Variants in CCR2 observed in about 807,000 individuals in gnomAD.
CCR2 encodes the protein C-C motif chemokine receptor 2, also known as C-C chemokine receptor type 2.
For missense variants in CCR2, 408 were observed against 440.0 expected (o/e 0.93, Z 0.65); for synonymous variants, 183 against 177.1 (o/e 1.03, Z -0.27).
Position 46,357,906 on chromosome 3 carries a change from G to T in CCR2, c.379G>T (p.Gly127Ter), listed in dbSNP as rs756172205. Reference sequence around the variant, plus strand: ...GCTGTATCACATCGGTTATTTTGGCGGAATCTTCTTCATCATCCTCCTGAC... The same window carrying T: ...GCTGTATCACATCGGTTATTTTGGCTGAATCTTCTTCATCATCCTCCTGAC... ...TGLYHIGYFG[G>*]IFFIILLTID... The change falls in exon 2 of 2, where the codon GGA becomes TGA. Residue 127 changes from glycine to a stop codon, truncating the protein, a stop_gained. Coordinates refer to ENST00000445132, the MANE Select transcript of CCR2 (RefSeq NM_001123396.4). LOFTEE classifies it low-confidence loss of function (END_TRUNC). The T allele has an allele frequency of 6.2e-7, 1 of 1,614,100 alleles. No homozygotes were observed. The highest frequency in any genetic ancestry group is 8.5e-7 in the Non-Finnish European group (1 of 1,179,998).
rs1701500205 is a variant in CCR2 at position 46,358,738 on chromosome 3, A to G, written c.*128A>G. The G allele has an allele frequency of 5.5e-6, 8 of 1,453,096 alleles. No homozygotes were observed. The highest frequency in any genetic ancestry group is 7.3e-6 in the Non-Finnish European group (8 of 1,102,280). 90.0% of individuals were successfully genotyped at this position (1,453,096 alleles called of 1,614,324 possible). A position where few individuals can be genotyped will look rare whatever the true frequency, so the allele number is the denominator to read the frequency against. On this transcript the variant is annotated 3_prime_UTR_variant, in exon 2 of 2. Coordinates refer to ENST00000445132, the MANE Select transcript of CCR2 (RefSeq NM_001123396.4). ...GCCCAGGAACCTCAGGGCTGTGTGT[A>G]CTAATACAGACTATGTCACCCAATG...
Position 46,360,404 on chromosome 3 carries a change from T to C in CCR2, c.*1794T>C, listed in dbSNP as rs2106727149. 1 of 153,392 alleles carries C rather than the reference T, an allele frequency of 6.5e-6. No homozygotes were observed. The highest frequency in any genetic ancestry group is 2.0e-4 in the South Asian group (1 of 4,910). The allele number at this position is 153,392 out of a possible 1,614,324, so 9.5% of individuals were successfully genotyped here. Reference sequence around the variant, plus strand: ...CTCAGGCTTGCTGCCAAAAGCCTTTTGTGTTTTGTTTTGTATCATTATGAA... The same window carrying C: ...CTCAGGCTTGCTGCCAAAAGCCTTTCGTGTTTTGTTTTGTATCATTATGAA... On this transcript the variant is annotated 3_prime_UTR_variant, in exon 2 of 2. Coordinates refer to ENST00000445132, the MANE Select transcript of CCR2 (RefSeq NM_001123396.4).
Position 46,358,613 on chromosome 3 carries a change from C to G in CCR2, c.*3C>G. ...AGGAAGTCTCGGCTGGTTTATAAAA[C>G]GAGGAGCAGTTTGATTGTTGTTTAT... is the stretch of plus-strand genomic sequence containing the variant. On this transcript the variant is annotated 3_prime_UTR_variant, in exon 2 of 2. Coordinates refer to ENST00000445132, the MANE Select transcript of CCR2 (RefSeq NM_001123396.4). 1 of 1,562,802 alleles carries G rather than the reference C, an allele frequency of 6.4e-7. No homozygotes were observed. The highest frequency in any genetic ancestry group is 2.4e-5 in the East Asian group (1 of 42,376).
In CCR2 at chr3:46,359,391, A is replaced by G. The variant is rs1701510839; in HGVS notation, c.*781A>G. ...GTTTATAAAAGATGCATTATCTATG[A>G]TATGCTAATATATGTATATGCAATA... On this transcript the variant is annotated 3_prime_UTR_variant, in exon 2 of 2. Coordinates refer to ENST00000445132, the MANE Select transcript of CCR2 (RefSeq NM_001123396.4). 2 of 1,056,492 alleles carry G rather than the reference A, an allele frequency of 1.9e-6. No individual in the cohort carries two copies. Among genetic ancestry groups the G allele is most frequent in the Non-Finnish European group, 2.3e-6 (2 of 860,644 alleles). The allele number at this position is 1,056,492 out of a possible 1,614,324, so 65.4% of individuals were successfully genotyped here.
Position 46,357,804 on chromosome 3 carries a change from A to T in CCR2, c.277A>T (p.Ile93Phe). Residue 93 changes from isoleucine to phenylalanine, a missense_variant, in exon 2 of 2, where the codon ATT (isoleucine) becomes TTT (phenylalanine). Ile to Phe is a conservative substitution (Grantham distance 21). Transcript: ENST00000445132. ...GGCCATCTCTGATCTGCTTTTTCTT[A>T]TTACTCTCCCATTGTGGGCTCACTC... is the stretch of plus-strand genomic sequence containing the variant. Reference protein sequence around the residue: ...NLAISDLLFLITLPLWAHSAA... With the variant: ...NLAISDLLFLFTLPLWAHSAA... 6.2e-7 allele frequency: 1 copy of T among 1,614,074 alleles called. No homozygotes were observed. The highest frequency in any genetic ancestry group is 1.3e-5 in the African/African-American group (1 of 74,996).
chr3:46,357,884 G>C lies in CCR2; in HGVS notation c.357G>C (p.Leu119=). Residue 119 remains leucine, a synonymous_variant, in exon 2 of 2, where the codon CTG becomes CTC. Transcript: ENST00000445132. ...GNAMCKLFTG[L]YHIGYFGGIF... ...CAATGTGCAAATTATTCACAGGGCTGTATCACATCGGTTATTTTGGCGGAA... is the reference window on the plus strand; with the variant it reads ...CAATGTGCAAATTATTCACAGGGCTCTATCACATCGGTTATTTTGGCGGAA... 1 of 1,614,198 alleles carries C rather than the reference G, an allele frequency of 6.2e-7. No homozygotes were observed. The highest frequency in any genetic ancestry group is 1.1e-5 in the South Asian group (1 of 91,086).
Position 46,358,105 on chromosome 3 carries a change from A to G in CCR2, c.578A>G (p.Tyr193Cys). The change falls in exon 2 of 2, where the codon TAT becomes TGT. Residue 193 changes from tyrosine (Y) to cysteine (C), a missense_variant. Coordinates refer to ENST00000445132, the MANE Select transcript of CCR2 (RefSeq NM_001123396.4). Reference protein sequence around the residue: ...KEDSVYVCGPYFPRGWNNFHT... With the variant: ...KEDSVYVCGPCFPRGWNNFHT... ...GATTCTGTTTATGTCTGTGGCCCTT[A>G]TTTTCCACGAGGATGGAATAATTTC... The G allele has an allele frequency of 1.2e-6, 2 of 1,614,014 alleles. No individual in the cohort carries two copies. Among genetic ancestry groups the G allele is most frequent in the Non-Finnish European group, 1.7e-6 (2 of 1,179,990 alleles).
In CCR2 at chr3:46,358,224, C is replaced by T. The variant is rs1454368903; in HGVS notation, c.697C>T (p.Arg233Ter). 4 of 1,613,980 alleles carry T rather than the reference C, an allele frequency of 2.5e-6. No individual in the cohort carries two copies. The highest frequency in any genetic ancestry group is 1.6e-4 in the Middle Eastern group (1 of 6,084). Residue 233 changes from arginine (R) to a stop codon, truncating the protein, a stop_gained, in exon 2 of 2, where the codon CGA becomes TGA. Transcript: ENST00000445132. LOFTEE classifies it low-confidence loss of function (END_TRUNC). ...SGILKTLLRCRNEKKRHRAVR... is the reference protein window; with the variant it reads ...SGILKTLLRC ...AATCCTGAAAACCCTGCTTCGGTGT[C>T]GAAACGAGAAGAAGAGGCATAGGGC... is the stretch of plus-strand genomic sequence containing the variant.
chr3:46,355,898 C>T (rs1251714537), intron 1 of CCR2, among the ~76,000 whole-genome samples: 1 of 152,212 alleles, frequency 6.6e-6, no homozygotes, highest in Non-Finnish European at 1.5e-5. Flanking sequence ...GGATTCAAAT[C>T]CAGGTTTGTT....
Position 46,359,130 on chromosome 3 carries a change from G to A in CCR2, c.*520G>A. The stretch of plus-strand genomic sequence containing the variant: ...TGGTCCTTAGCCCCATCTGCCACGT[G>A]TATTTAACCTTGAAGGGTTCACCAG... On this transcript the variant is annotated 3_prime_UTR_variant, in exon 2 of 2. Coordinates refer to ENST00000445132, the MANE Select transcript of CCR2 (RefSeq NM_001123396.4). The A allele has an allele frequency of 2.0e-6, 2 of 1,007,206 alleles. No individual in the cohort carries two copies. Among genetic ancestry groups the A allele is most frequent in the Non-Finnish European group, 1.2e-6 (1 of 834,276 alleles). 62.4% of individuals were successfully genotyped at this position (1,007,206 alleles called of 1,614,324 possible).
In CCR2 at chr3:46,358,679, G is replaced by C. The variant is rs1174186483; in HGVS notation, c.*69G>C. On this transcript the variant is annotated 3_prime_UTR_variant, in exon 2 of 2. Coordinates refer to ENST00000445132, the MANE Select transcript of CCR2 (RefSeq NM_001123396.4). Reference sequence around the variant, plus strand: ...TCTGTATATAACAACAAACTTCAAGGGTTTGTTGAACAATAGAAACCTGTA... The same window carrying C: ...TCTGTATATAACAACAAACTTCAAGCGTTTGTTGAACAATAGAAACCTGTA... 2.0e-6 allele frequency: 3 copies of C among 1,496,054 alleles called. No homozygotes were observed. In the Admixed American group the frequency reaches 6.8e-5, roughly 34 times the overall value. The allele number at this position is 1,496,054 out of a possible 1,614,324, so 92.7% of individuals were successfully genotyped here. A position where few individuals can be genotyped will look rare whatever the true frequency, so the allele number is the denominator to read the frequency against.
In CCR2 at chr3:46,359,043, G is replaced by A. The variant is rs866340620; in HGVS notation, c.*433G>A. Reference sequence around the variant, plus strand: ...GGAGAAGGAGGGAGACATGAGCATGGCTGAGCCTGGACAAAGACAAAGGTG... The same window carrying A: ...GGAGAAGGAGGGAGACATGAGCATGACTGAGCCTGGACAAAGACAAAGGTG... On this transcript the variant is annotated 3_prime_UTR_variant, in exon 2 of 2. Coordinates refer to ENST00000445132, the MANE Select transcript of CCR2 (RefSeq NM_001123396.4). 8.9e-5 allele frequency: 91 copies of A among 1,019,980 alleles called. No individual in the cohort carries two copies. The highest frequency in any genetic ancestry group is 1.0e-3 in the Middle Eastern group (2 of 1,972). The allele number at this position is 1,019,980 out of a possible 1,614,324, so 63.2% of individuals were successfully genotyped here.
At chr3:46,356,720 C>T (rs1426918930) in intron 1 of CCR2, among the ~76,000 whole-genome samples, 1 of 152,148 alleles carries the variant, frequency 6.6e-6, no homozygotes, top group South Asian at 2.1e-4. Flanking sequence ...GAGACCGAGA[C>T]CATCCTGGCC....
intron 1 of CCR2, among the ~76,000 whole-genome samples, chr3:46,354,587 A>T (rs1399530906): frequency 1.3e-5 from 2 of 152,214 alleles, no homozygotes; most frequent in Non-Finnish European, 2.9e-5. Flanking sequence ...AGGCAGAAGT[A>T]AGGAATTTAT....
chr3:46,357,886 A>G lies in CCR2; in HGVS notation c.359A>G (p.Tyr120Cys). 6.2e-7 allele frequency: 1 copy of G among 1,614,226 alleles called. No individual in the cohort carries two copies. The highest frequency in any genetic ancestry group is 8.5e-7 in the Non-Finnish European group (1 of 1,180,026). ...ATGTGCAAATTATTCACAGGGCTGT[A>G]TCACATCGGTTATTTTGGCGGAATC... ...NAMCKLFTGL[Y>C]HIGYFGGIFF... The change falls in exon 2 of 2, where the codon TAT (tyrosine) becomes TGT (cysteine). Residue 120 changes from tyrosine to cysteine, a missense_variant. Coordinates refer to ENST00000445132, the MANE Select transcript of CCR2 (RefSeq NM_001123396.4).
At chr3:46,357,009 T>C (rs1266406529) in intron 1 of CCR2, among the ~76,000 whole-genome samples, 1 of 151,970 alleles carries the variant, frequency 6.6e-6, no homozygotes, top group Non-Finnish European at 1.5e-5. Flanking sequence ...CTTCTCATGG[T>C]TCTCTAGGTC....
At position 46,358,821 on chromosome 3, in the gene CCR2, T is replaced by C; in HGVS notation, c.*211T>C. ...AAAAACTGTGGGTAGAGACTTTGAC[T>C]CTCCAGAAAGCTCATCTCAGCTCCT... On this transcript the variant is annotated 3_prime_UTR_variant, in exon 2 of 2. Coordinates refer to ENST00000445132, the MANE Select transcript of CCR2 (RefSeq NM_001123396.4). The C allele has an allele frequency of 7.5e-7, 1 of 1,340,408 alleles. No homozygotes were observed. Among genetic ancestry groups the C allele is most frequent in the Non-Finnish European group, 9.6e-7 (1 of 1,038,908 alleles). 83.0% of individuals were successfully genotyped at this position (1,340,408 alleles called of 1,614,324 possible). A position where few individuals can be genotyped will look rare whatever the true frequency, so the allele number is the denominator to read the frequency against.
At chr3:46,357,219 A>T (rs938268924) in intron 1 of CCR2, among the ~76,000 whole-genome samples, 1 of 152,254 alleles carries the variant, frequency 6.6e-6, no homozygotes, top group South Asian at 2.1e-4. Flanking sequence ...ACAAACGCCC[A>T]GCGCTTTTAG....
In CCR2 at chr3:46,358,993, AG is replaced by A. The variant is rs533123132; in HGVS notation, c.*386del. On this transcript the variant is annotated 3_prime_UTR_variant, in exon 2 of 2. Coordinates refer to ENST00000445132, the MANE Select transcript of CCR2 (RefSeq NM_001123396.4). The stretch of plus-strand genomic sequence containing the variant: ...TGACAGGCACAGATGAATGGGAGTG[AG>A]GGATAGTGGGGTCAGGGCTGAGAGG... The A allele has an allele frequency of 1.5e-3, 1,529 of 1,052,408 alleles. 18 individuals carry two copies. In the African/African-American group the frequency reaches 0.023, roughly 16 times the overall value. 65.2% of individuals were successfully genotyped at this position (1,052,408 alleles called of 1,614,324 possible).
Sources: allele counts gnomAD v4.1 joint callset (sites outside exome capture counted in the v4.1 genomes callset), GRCh38; gene constraint gnomAD v4.1.1; transcripts MANE v1.5; gene names NCBI Gene and HGNC (gene_info 2026-07-23, HGNC 2026-07-21).